MGST1: variants seen among roughly 807,000 people sequenced by gnomAD.
The protein encoded by MGST1 is glutathione S-transferase 12.
In MGST1, 5 loss-of-function variants were observed where a neutral mutation model predicts 8.9. The ratio of observed to expected loss-of-function variants is 0.56; its 90% CI spans 0.29 to 1.19. The LOEUF (loss-of-function observed/expected upper bound fraction) is 1.19, where lower values mean the gene tolerates loss of function less well. Among genes scored for constraint, MGST1 ranks in the 50% most tolerant of loss-of-function variants. The pLI is 0.08. For missense variants in MGST1, 182 were observed against 187.4 expected, an observed-to-expected ratio of 0.97 and a Z score of 0.17; for synonymous variants, 54 against 67.8, an observed-to-expected ratio of 0.80 and a Z score of 1.00.
In MGST1 at chr12:16,559,533, C is replaced by T. The variant is rs1942312447; in HGVS notation, n.483-29995C>T. On this transcript the variant is annotated intron_variant and non_coding_transcript_variant, in intron 4 of 4. Transcript: ENST00000538857. The surrounding 1 kb of genome is among the most constrained non-coding windows in gnomAD (Gnocchi z 4.1). ...AGGTTTCCAGGTTCCCTGTTCAACA[C>T]TTTTTCAAATGCTCCTCTCCAATGA... Among the ~76,000 whole-genome samples, 1 of 152,148 alleles carries T rather than the reference C, an allele frequency of 6.6e-6. No individual in the cohort carries two copies. Among genetic ancestry groups the T allele is most frequent in the East Asian group, 1.9e-4 (1 of 5,192 alleles).
At chr12:16,505,256 A>T (rs1174449098) in intron 4 of MGST1, among the ~76,000 whole-genome samples, 1 of 152,208 alleles carries the variant, frequency 6.6e-6, no homozygotes, top group Admixed American at 6.5e-5. Context: ...AATAAAAAAA[A>T]TGCCTGTTCA....
intron 1 of MGST1, among the ~76,000 whole-genome samples, chr12:16,405,945 C>G (rs919636173): frequency 5.3e-5 from 8 of 152,140 alleles, no homozygotes; most frequent in Admixed American, 3.3e-4. Context: ...AAACTCACAG[C>G]CAACATCATA....
At chr12:16,477,388 A>AC (rs2137140496) in intron 4 of MGST1, among the ~76,000 whole-genome samples, 1 of 152,342 alleles carries the variant, frequency 6.6e-6, no homozygotes, top group African/African-American at 2.4e-5. Context: ...TTTCATGTAA[A>AC]ATGAAGCATG....
chr12:16,440,094 C>T (rs1471472723), downstream of MGST1, among the ~76,000 whole-genome samples: 1 of 151,804 alleles, frequency 6.6e-6, no homozygotes, highest in Non-Finnish European at 1.5e-5. Context: ...ACTCAACCAA[C>T]AGACTGGGGG....
At chr12:16,447,794 G>T (rs1288027564) in intron 4 of MGST1, among the ~76,000 whole-genome samples, 1 of 151,940 alleles carries the variant, frequency 6.6e-6, no homozygotes, top group Non-Finnish European at 1.5e-5. Context: ...TGGGCTGTAG[G>T]CCTCAGTTGC....
At chr12:16,476,891 C>G (rs907995100) in intron 4 of MGST1, among the ~76,000 whole-genome samples, 1 of 152,102 alleles carries the variant, frequency 6.6e-6, no homozygotes, top group African/African-American at 2.4e-5. Context: ...AAATAAAGTC[C>G]TTGGAAAGAG....
intron 4 of MGST1, among the ~76,000 whole-genome samples, chr12:16,552,734 C>G (rs1297761978): frequency 1.3e-5 from 2 of 151,946 alleles, no homozygotes; most frequent in African/African-American, 4.8e-5. Context: ...TCTTGAAATC[C>G]TAGGGTTGTT....
chr12:16,409,700 T>C (rs1270989834), intron 1 of MGST1, among the ~76,000 whole-genome samples: 1 of 152,146 alleles, frequency 6.6e-6, no homozygotes, highest in Non-Finnish European at 1.5e-5. Flanking sequence ...GCTCTGGTGT[T>C]AAGTCAGCCT....
chr12:16,358,758 G>A (rs991430964), intron 3 of MGST1, among the ~76,000 whole-genome samples: 30 of 141,758 alleles, frequency 2.1e-4, no homozygotes, highest in South Asian at 4.5e-4. Flanking sequence ...GTGAGCCACC[G>A]GACCTGGCCA....
chr12:16,573,813 T>C (rs944478569), intron 4 of MGST1: 2 of 152,324 alleles, frequency 1.3e-5, no homozygotes, highest in Non-Finnish European at 2.9e-5. Flanking sequence ...AATCCTGCTT[T>C]ACCACGTTAA....
At chr12:16,371,831 A>C (rs1940298514) in intron 3 of MGST1, among the ~76,000 whole-genome samples, 1 of 152,144 alleles carries the variant, frequency 6.6e-6, no homozygotes, top group South Asian at 2.1e-4. Context: ...CTGGCATAAA[A>C]ACAGACACAT....
rs1326383068 is a variant in MGST1 at position 16,522,068 on chromosome 12, A to ATT, written n.483-67459_483-67458insTT. Among the ~76,000 whole-genome samples the ATT allele has an allele frequency of 2.0e-5, 3 of 152,270 alleles. No homozygotes were observed. The South Asian group carries it at 6.2e-4, about 32-fold the overall frequency. On this transcript the variant is annotated intron_variant and non_coding_transcript_variant, in intron 4 of 4. Coordinates refer to the MGST1 transcript ENST00000538857. Reference sequence around the variant, plus strand: ...CGCAATTTAATTTTGCAGTCCCAACATGAGAGGCGCTTCATGCTGAAATGT... The same window carrying ATT: ...CGCAATTTAATTTTGCAGTCCCAACATTTGAGAGGCGCTTCATGCTGAAATGT...
At position 16,551,225 on chromosome 12, in the gene MGST1, G is replaced by C. The variant is rs758610650; in HGVS notation, n.483-38303G>C. On this transcript the variant is annotated intron_variant and non_coding_transcript_variant, in intron 4 of 4. Coordinates refer to the MGST1 transcript ENST00000538857. ...TTAATGGGGTGATGTTGATAGATCA[G>C]CGAACCTGGGGTGCATAACCTTCTT... The C allele has an allele frequency of 2.5e-6, 4 of 1,586,498 alleles. No individual in the cohort carries two copies. In the African/African-American group the frequency reaches 4.0e-5, roughly 16 times the overall value.
intron 4 of MGST1, among the ~76,000 whole-genome samples, chr12:16,504,416 T>C (rs1941523793): frequency 6.6e-6 from 1 of 152,188 alleles, no homozygotes; most frequent in Non-Finnish European, 1.5e-5. Context: ...CCTCTAAACT[T>C]TCAGTTTTCT....
At chr12:16,469,081 G>A (rs966421051) in intron 4 of MGST1, among the ~76,000 whole-genome samples, 4 of 151,534 alleles carry the variant, frequency 2.6e-5, no homozygotes, top group Non-Finnish European at 4.4e-5. Context: ...AGAAAACAGA[G>A]TTCCATTTTA....
chr12:16,475,448 A>C (rs1369650107), intron 4 of MGST1, among the ~76,000 whole-genome samples: 2 of 152,234 alleles, frequency 1.3e-5, no homozygotes, highest in Non-Finnish European at 2.9e-5. Flanking sequence ...TTAATAGATT[A>C]ATGATTCCCA....
downstream of MGST1, among the ~76,000 whole-genome samples, chr12:16,590,653 TG>T (rs1274938111): frequency 6.6e-6 from 1 of 152,042 alleles, no homozygotes; most frequent in Non-Finnish European, 1.5e-5. Flanking sequence ...ATGACATCTT[TG>T]GTCAAGATCT....
At chr12:16,494,139 G>T (rs1565464355) in intron 4 of MGST1, among the ~76,000 whole-genome samples, 1 of 152,050 alleles carries the variant, frequency 6.6e-6, no homozygotes, top group Non-Finnish European at 1.5e-5. Flanking sequence ...AATTAAAATA[G>T]AAAATGTGTG....
intron 4 of MGST1, among the ~76,000 whole-genome samples, chr12:16,459,504 A>G (rs1487575169): frequency 6.6e-6 from 1 of 152,122 alleles, no homozygotes; most frequent in Non-Finnish European, 1.5e-5. Context: ...GATCCAAGTC[A>G]TAGGTCATGG....
Sources: allele counts gnomAD v4.1 joint callset (sites outside exome capture counted in the v4.1 genomes callset), GRCh38; gene constraint gnomAD v4.1.1; non-coding constraint Gnocchi (gnomAD v3.1); transcripts MANE v1.5; gene names NCBI Gene and HGNC (gene_info 2026-07-23, HGNC 2026-07-21).